ENTREP1: variants seen among roughly 807,000 people sequenced by gnomAD.
ENTREP1 encodes the protein Friedreich ataxia region gene X123.
At chr9:69,343,889 T>C in the ENTREP1 span, among the ~76,000 whole-genome samples, 2 of 152,184 alleles carry the variant, frequency 1.3e-5, no homozygotes, top group Non-Finnish European at 2.9e-5. Context: ...GGAATATGAA[T>C]TCTTTACTAT....
At chr9:69,337,485 T>C in the ENTREP1 span, among the ~76,000 whole-genome samples, 1 of 152,180 alleles carries the variant, frequency 6.6e-6, no homozygotes, top group Non-Finnish European at 1.5e-5. Flanking sequence ...ACTGGTGATT[T>C]TATCTTTTTT....
At chr9:69,325,475 C>T in the ENTREP1 span, 1 of 938,980 alleles carries the variant, frequency 1.1e-6, no homozygotes, top group Non-Finnish European at 1.3e-6. Context: ...CCCGTCGCGG[C>T]CTCGCTGCGC....
At chr9:69,391,242 C>T in the ENTREP1 span, among the ~76,000 whole-genome samples, 6 of 152,282 alleles carry the variant, frequency 3.9e-5, no homozygotes, top group Middle Eastern at 3.4e-3. Flanking sequence ...ATTCATGTTT[C>T]TGACAATACC....
chr9:69,356,294 G>A, the ENTREP1 span, among the ~76,000 whole-genome samples: 1 of 152,190 alleles, frequency 6.6e-6, no homozygotes, highest in Non-Finnish European at 1.5e-5. Flanking sequence ...GTCTATCCAT[G>A]CTGTTGGAGC....
the ENTREP1 span, among the ~76,000 whole-genome samples, chr9:69,362,269 A>G: frequency 6.3e-3 from 964 of 152,284 alleles, 8 homozygotes; most frequent in African/African-American, 0.022. Flanking sequence ...GATAGGCATA[A>G]TTATTTAATG....
At chr9:69,326,997 T>A in the ENTREP1 span, among the ~76,000 whole-genome samples, 1 of 121,516 alleles carries the variant, frequency 8.2e-6, no homozygotes, top group East Asian at 2.3e-4. Flanking sequence ...ATACTGCAAT[T>A]CAAGACCAAA....
the ENTREP1 span, among the ~76,000 whole-genome samples, chr9:69,379,405 C>G: frequency 6.6e-6 from 1 of 152,234 alleles, no homozygotes; most frequent in Non-Finnish European, 1.5e-5. Flanking sequence ...GGGATGTCAG[C>G]TGGGTGACAG....
the ENTREP1 span, among the ~76,000 whole-genome samples, chr9:69,333,546 C>A: frequency 1.3e-5 from 2 of 152,106 alleles, no homozygotes; most frequent in Non-Finnish European, 2.9e-5. Context: ...CTCAAGTATT[C>A]CGCCTGCCTT....
the ENTREP1 span, chr9:69,385,848 A>T: frequency 2.5e-6 from 4 of 1,602,352 alleles, no homozygotes; most frequent in Non-Finnish European, 3.4e-6. Flanking sequence ...CTCAACTCCC[A>T]GTTCAACCCT....
At chr9:69,360,740 C>T in the ENTREP1 span, among the ~76,000 whole-genome samples, 8 of 152,088 alleles carry the variant, frequency 5.3e-5, no homozygotes, top group African/African-American at 9.7e-5. Context: ...TTATCTTGGG[C>T]GTTCCCTTAA....
chr9:69,329,917 T>C, the ENTREP1 span, among the ~76,000 whole-genome samples: 4 of 149,702 alleles, frequency 2.7e-5, no homozygotes, highest in East Asian at 7.9e-4. Flanking sequence ...GGTATGGGAG[T>C]TAACTAGGTT....
the ENTREP1 span, among the ~76,000 whole-genome samples, chr9:69,355,321 C>T: frequency 2.7e-4 from 41 of 152,310 alleles, no homozygotes; most frequent in African/African-American, 9.6e-4. Flanking sequence ...TTGTGTCAGG[C>T]ATTGTATCAG....
the ENTREP1 span, among the ~76,000 whole-genome samples, chr9:69,390,790 C>T: frequency 2.6e-5 from 4 of 152,064 alleles, no homozygotes; most frequent in Non-Finnish European, 5.9e-5. Flanking sequence ...CAGGCACACA[C>T]CACCACGCCC....
the ENTREP1 span, among the ~76,000 whole-genome samples, chr9:69,364,888 G>A: frequency 1.3e-5 from 2 of 152,136 alleles, no homozygotes; most frequent in African/African-American, 4.8e-5. Context: ...TTGCAGGAGT[G>A]GCATTCTAAT....
At chr9:69,370,555 C>G in the ENTREP1 span, among the ~76,000 whole-genome samples, 1 of 152,132 alleles carries the variant, frequency 6.6e-6, no homozygotes, top group Non-Finnish European at 1.5e-5. Context: ...GGAAAGAAGC[C>G]AAACTTCTCT....
chr9:69,384,173 C>T, the ENTREP1 span: 1 of 568,156 alleles, frequency 1.8e-6, no homozygotes. Flanking sequence ...GCCTGGACAA[C>T]ATGGAGAGAG....
chr9:69,326,626 T>C, the ENTREP1 span, among the ~76,000 whole-genome samples: 1 of 152,218 alleles, frequency 6.6e-6, no homozygotes, highest in South Asian at 2.1e-4. Context: ...TCCAACCCCT[T>C]GACGTTTTCT....
the ENTREP1 span, among the ~76,000 whole-genome samples, chr9:69,339,019 G>T: frequency 6.6e-6 from 1 of 152,054 alleles, no homozygotes; most frequent in Non-Finnish European, 1.5e-5. Context: ...CAGTTCATAT[G>T]TATCTTTTGT....
the ENTREP1 span, chr9:69,325,404 C>T: frequency 9.3e-7 from 1 of 1,077,302 alleles, no homozygotes; most frequent in Non-Finnish European, 1.1e-6. Flanking sequence ...GCTGCCGCCG[C>T]CGCTCAGGAG....
Sources: gnomAD v4.1 joint callset for allele counts (sites outside exome capture counted in the v4.1 genomes callset) on GRCh38, gnomAD v4.1.1 for gene constraint, MANE v1.5 for transcripts, NCBI Gene and HGNC (gene_info 2026-07-23, HGNC 2026-07-21) for gene names.